Variants in PEAK1 observed in about 807,000 individuals in gnomAD.
The protein encoded by PEAK1 is pseudopodium enriched atypical kinase 1.
In PEAK1, 54 loss-of-function variants were observed where a neutral mutation model predicts 124.7. The observed-to-expected ratio is 0.43, with a 90% CI of 0.35 to 0.54. The LOEUF (loss-of-function observed/expected upper bound fraction) is 0.54. Among genes scored for constraint, PEAK1 ranks in the 20% least tolerant of loss-of-function variants. The pLI is 0.01. For synonymous variants in PEAK1, 719 were observed against 760.0 expected, an observed-to-expected ratio of 0.95 and a Z score of 0.89; for missense variants, 2,046 against 2,134.5, an observed-to-expected ratio of 0.96 and a Z score of 0.82.
intron 6 of PEAK1, among the ~76,000 whole-genome samples, chr15:77,183,313 C>G (rs765442785): frequency 3.3e-5 from 5 of 152,174 alleles, no homozygotes; most frequent in Admixed American, 6.5e-5. Flanking sequence ...GTGTGACACA[C>G]AGACTGTATG....
At chr15:77,341,770 G>C (rs1029340583) in intron 2 of PEAK1, among the ~76,000 whole-genome samples, 2 of 152,054 alleles carry the variant, frequency 1.3e-5, no homozygotes, top group African/African-American at 4.8e-5. Context: ...GAAATTGCAA[G>C]AGTTATAATT....
Position 77,181,016 on chromosome 15 carries a change from A to C in PEAK1, c.911T>G (p.Ile304Ser), listed in dbSNP as rs1413875457. ...GCTGTCATCATAGTCCACAGCACAG[A>C]TTCTCTGCAGAGACTTGTTTCGCAG... ...IPLRNKSLQR[I>S]CAVDYDDSYD... is the part of the protein sequence containing the mutation. The change falls in exon 7 of 10, where the codon ATC (isoleucine) becomes AGC (serine). Residue 304 changes from isoleucine (I) to serine (S), a missense_variant. Coordinates refer to ENST00000682557, the MANE Select transcript of PEAK1 (RefSeq NM_001385026.1). 5 of 1,614,180 alleles carry C rather than the reference A, an allele frequency of 3.1e-6. No homozygotes were observed. The highest frequency in any genetic ancestry group is 4.2e-6 in the Non-Finnish European group (5 of 1,180,014).
chr15:77,388,495 T>A (rs1347604318), intron 1 of PEAK1, among the ~76,000 whole-genome samples: 2 of 152,160 alleles, frequency 1.3e-5, no homozygotes, highest in Non-Finnish European at 2.9e-5. Flanking sequence ...CATATTGGCA[T>A]CTCGTTTACA....
intron 1 of PEAK1, chr15:77,403,445 G>C: frequency 1.1e-6 from 1 of 926,592 alleles, no homozygotes. Context: ...GATTGTAAGG[G>C]TAAATAATTA....
At chr15:77,322,377 G>A (rs888262001) in intron 2 of PEAK1, among the ~76,000 whole-genome samples, 19 of 152,140 alleles carry the variant, frequency 1.2e-4, no homozygotes, top group African/African-American at 2.7e-4. Flanking sequence ...TTGATAGACC[G>A]CTAGCTAGAC....
In PEAK1 at chr15:77,376,739, C is replaced by T. The variant is rs566858258; in HGVS notation, c.-665-11514G>A. Among the ~76,000 whole-genome samples the T allele has an allele frequency of 6.6e-5, 10 of 152,174 alleles. No homozygotes were observed. In the South Asian group the frequency reaches 2.1e-3, roughly 32 times the overall value. ...GATATTTTATAGTGCAAATATAATTCTCATTTTAAAAACACAAGCATCCTT... is the reference window on the plus strand; with the variant it reads ...GATATTTTATAGTGCAAATATAATTTTCATTTTAAAAACACAAGCATCCTT... On this transcript the variant is annotated intron_variant, in intron 1 of 9. Transcript: ENST00000682557.
At chr15:77,352,485 T>C (rs1382805404) in intron 2 of PEAK1, 82 of 985,222 alleles carry the variant, frequency 8.3e-5, no homozygotes, top group Non-Finnish European at 9.5e-5. Context: ...ATGGGGGCTA[T>C]GGAGAGAGCC....
chr15:77,417,077 G>A (rs977638120), intron 1 of PEAK1, among the ~76,000 whole-genome samples: 1 of 151,982 alleles, frequency 6.6e-6, no homozygotes, highest in African/African-American at 2.4e-5. Context: ...ACTCTAAGAT[G>A]CATTCTAGAC....
intron 2 of PEAK1, chr15:77,346,324 C>A (rs562311079): frequency 2.1e-6 from 2 of 970,606 alleles, no homozygotes; most frequent in South Asian, 9.5e-5. Context: ...ATTCTATTGA[C>A]ATATTTTAAC....
chr15:77,368,517 CAA>C (rs796647295), intron 1 of PEAK1, among the ~76,000 whole-genome samples: 2 of 124,076 alleles, frequency 1.6e-5, no homozygotes, highest in African/African-American at 3.0e-5. Flanking sequence ...GATGCCATCT[CAA>C]AAAAAAAAAA....
intron 2 of PEAK1, among the ~76,000 whole-genome samples, chr15:77,301,345 T>C (rs1034321613): frequency 3.3e-5 from 5 of 152,180 alleles, no homozygotes; most frequent in East Asian, 1.9e-4. Context: ...TAGAGCCCAA[T>C]AGATAATCCA....
chr15:77,327,009 T>C (rs947633961), intron 2 of PEAK1, among the ~76,000 whole-genome samples: 2 of 152,150 alleles, frequency 1.3e-5, no homozygotes, highest in African/African-American at 2.4e-5. Flanking sequence ...CCTATGATGT[T>C]TGACTATCAC....
At chr15:77,334,989 G>C in intron 2 of PEAK1, 1 of 985,390 alleles carries the variant, frequency 1.0e-6, no homozygotes, top group Non-Finnish European at 1.2e-6. Flanking sequence ...CCAGCAATCT[G>C]AACAGGGTTT....
In PEAK1 at chr15:77,179,151, T is replaced by C. The variant is rs765509279; in HGVS notation, c.2776A>G (p.Ile926Val). The change falls in exon 7 of 10, where the codon ATA becomes GTA. Residue 926 changes from isoleucine (I) to valine (V), a missense_variant. Ile to Val is a conservative substitution (Grantham distance 29). Coordinates refer to ENST00000682557, the MANE Select transcript of PEAK1 (RefSeq NM_001385026.1). ...CGGCGGAAGAAGCTTTTAAATGATA[T>C]CCAGCGCTTAGGTTTTGCATCAGCT... The part of the protein sequence containing the change: ...RAADAKPKRW[I>V]SFKSFFRRRK... 4 of 1,614,184 alleles carry C rather than the reference T, an allele frequency of 2.5e-6. No individual in the cohort carries two copies. Among genetic ancestry groups the C allele is most frequent in the Non-Finnish European group, 3.4e-6 (4 of 1,180,042 alleles).
chr15:77,191,443 G>A (rs1203804992), intron 6 of PEAK1, among the ~76,000 whole-genome samples: 1 of 152,168 alleles, frequency 6.6e-6, no homozygotes, highest in Non-Finnish European at 1.5e-5. Flanking sequence ...CACTTGGGAA[G>A]CTATTTCAAT....
At chr15:77,301,596 A>C (rs2063790459) in intron 2 of PEAK1, among the ~76,000 whole-genome samples, 1 of 152,180 alleles carries the variant, frequency 6.6e-6, no homozygotes, top group South Asian at 2.1e-4. Flanking sequence ...TTTGGGGAGA[A>C]AAACCACACA....
chr15:77,388,498 C>T (rs1304701438), intron 1 of PEAK1, among the ~76,000 whole-genome samples: 1 of 152,086 alleles, frequency 6.6e-6, no homozygotes, highest in Admixed American at 6.6e-5. Context: ...ATTGGCATCT[C>T]GTTTACAGAA....
At chr15:77,353,046 C>A in intron 2 of PEAK1, 1 of 965,074 alleles carries the variant, frequency 1.0e-6, no homozygotes, top group South Asian at 4.8e-5. Context: ...AACCATGAAC[C>A]CTCTGAGGCC....
intron 1 of PEAK1, among the ~76,000 whole-genome samples, chr15:77,384,031 AC>A (rs1339085986): frequency 6.6e-6 from 1 of 152,232 alleles, no homozygotes; most frequent in East Asian, 1.9e-4. Flanking sequence ...TTACAATTAT[AC>A]CTCAATAATA....
Sources: allele counts gnomAD v4.1 joint callset (sites outside exome capture counted in the v4.1 genomes callset), GRCh38; gene constraint gnomAD v4.1.1; transcripts MANE v1.5; gene names NCBI Gene and HGNC (gene_info 2026-07-23, HGNC 2026-07-21).